LGALS8: variants seen among roughly 807,000 people sequenced by gnomAD.
The protein encoded by LGALS8 is galectin 8, also known as galectin-8.
Under a neutral mutation model 35.9 loss-of-function variants are expected in LGALS8, and 30 were observed. The observed-to-expected ratio is 0.83, with a 90% CI of 0.62 to 1.13. LGALS8 has a LOEUF of 1.13. Ranked by LOEUF, LGALS8 falls within the 50% of genes most tolerant of loss-of-function variation. LGALS8 has a pLI of 0.00. For missense variants in LGALS8, 366 were observed against 388.7 expected, an observed-to-expected ratio of 0.94 and a Z score of 0.49; for synonymous variants, 138 against 136.1, an observed-to-expected ratio of 1.01 and a Z score of -0.10.
Position 236,548,242 on chromosome 1 carries a change from C to T in LGALS8, c.*81C>T. ...GCCTTGCTGAAACGCATCTCACTGT[C>T]ATTCTATTGTTTATATTGTTAAAAT... On this transcript the variant is annotated 3_prime_UTR_variant, in exon 10 of 10. Coordinates refer to ENST00000366584, the MANE Select transcript of LGALS8 (RefSeq NM_201544.4). 8.1e-7 allele frequency: 1 copy of T among 1,231,548 alleles called. No homozygotes were observed. Among genetic ancestry groups the T allele is most frequent in the East Asian group, 2.5e-5 (1 of 39,770 alleles). The allele number at this position is 1,231,548 out of a possible 1,614,324, so 76.3% of individuals were successfully genotyped here.
chr1:236,540,435 G>A (rs891789263), intron 4 of LGALS8, 129 bp from the exon 5 acceptor site: 28 of 1,076,950 alleles, frequency 2.6e-5, no homozygotes, highest in Non-Finnish European at 3.4e-5. Context: ...ATTTGGTCAT[G>A]TGTGTGGAGA....
chr1:236,543,323 A>G (rs1056955699), intron 7 of LGALS8: 2 of 663,230 alleles, frequency 3.0e-6, no homozygotes, highest in African/African-American at 3.5e-5. Context: ...TACAGAGGGC[A>G]TCGGGTCCCA....
upstream of LGALS8, among the ~76,000 whole-genome samples, chr1:236,520,366 G>A (rs1160167699): frequency 3.1e-5 from 4 of 128,612 alleles, no homozygotes; most frequent in Non-Finnish European, 6.4e-5. Flanking sequence ...CACCAATGTA[G>A]TATCTTCTCT....
In LGALS8 at chr1:236,524,049, C is replaced by T; in HGVS notation, c.-116C>T. The T allele has an allele frequency of 2.2e-6, 1 of 451,772 alleles. No individual in the cohort carries two copies. Among genetic ancestry groups the T allele is most frequent in the Non-Finnish European group, 4.4e-6 (1 of 225,086 alleles). The allele number at this position is 451,772 out of a possible 1,614,324, so 28.0% of individuals were successfully genotyped here. ...AACCTGCTCCGTGGAGCGCCTGAAA[C>T]ACCAGTCTTTGGGTGAGTCGCGCGA... On this transcript the variant is annotated 5_prime_UTR_variant, in exon 1 of 10. Transcript: ENST00000366584.
chr1:236,531,215 T>A, intron 2 of LGALS8, among the ~76,000 whole-genome samples: 1 of 152,226 alleles, frequency 6.6e-6, no homozygotes, highest in South Asian at 2.1e-4. Context: ...CATCCTTGTG[T>A]GTGCATCTTG....
chr1:236,540,533 G>C (rs556921531), intron 4 of LGALS8, 31 bp from the exon 5 acceptor site: 1 of 179,596 alleles, frequency 5.6e-6, no homozygotes, highest in Non-Finnish European at 9.6e-6. Context: ...TTTTGGTGGC[G>C]GGGGGGGCTC....
chr1:236,543,037 A>T (rs1662114383), intron 7 of LGALS8: 1 of 1,614,166 alleles, frequency 6.2e-7, no homozygotes, highest in Non-Finnish European at 8.5e-7. Context: ...ACTATGTGTC[A>T]AAGGTTTGAA....
chr1:236,542,701 G>T, intron 6 of LGALS8, 60 bp from the exon 7 acceptor site: 1 of 1,578,084 alleles, frequency 6.3e-7, no homozygotes, highest in Non-Finnish European at 8.7e-7. Context: ...CAAGACTTCA[G>T]ATTATAAACT....
chr1:236,521,698 C>T (rs539889237), upstream of LGALS8, among the ~76,000 whole-genome samples: 118 of 151,958 alleles, frequency 7.8e-4, 1 homozygote, highest in African/African-American at 2.5e-3. Flanking sequence ...CATGGTGGCG[C>T]GCACCTGTAG....
rs777928404 is a variant in LGALS8, at chr1:236,548,316, G to A, written c.*155G>A. 9 of 706,930 alleles carry A rather than the reference G, an allele frequency of 1.3e-5. No individual in the cohort carries two copies. The highest frequency in any genetic ancestry group is 1.9e-5 in the Non-Finnish European group (8 of 427,820). The allele number at this position is 706,930 out of a possible 1,614,324, so 43.8% of individuals were successfully genotyped here. On this transcript the variant is annotated 3_prime_UTR_variant, in exon 10 of 10. Coordinates refer to ENST00000366584, the MANE Select transcript of LGALS8 (RefSeq NM_201544.4). ...GCTGGGTGTTCTCAGTCCTTGCCAT[G>A]AAGTATGGTGGTGTCTAGCACTGAA...
At chr1:236,518,805 C>A (rs1465690726), upstream of LGALS8, among the ~76,000 whole-genome samples, 1 of 152,096 alleles carries the variant, frequency 6.6e-6, no homozygotes, top group East Asian at 1.9e-4. Context: ...CACATTTTCC[C>A]AGCACTTAGC....
intron 3 of LGALS8, among the ~76,000 whole-genome samples, chr1:236,538,325 G>A (rs548731839): frequency 6.6e-6 from 1 of 152,250 alleles, no homozygotes; most frequent in East Asian, 1.9e-4. Flanking sequence ...TAAGTCTCAA[G>A]GAGACAGCCC....
At chr1:236,531,067 G>C (rs745740203) in intron 2 of LGALS8, among the ~76,000 whole-genome samples, 1 of 151,910 alleles carries the variant, frequency 6.6e-6, no homozygotes, top group Non-Finnish European at 1.5e-5. Flanking sequence ...TTTTCTATTT[G>C]ACCTATTTTG....
intron 9 of LGALS8, among the ~76,000 whole-genome samples, chr1:236,546,155 C>CATTAGG (rs1662348070): frequency 6.6e-6 from 1 of 152,126 alleles, no homozygotes; most frequent in African/African-American, 2.4e-5. Flanking sequence ...CAAACCATAC[C>CATTAGG]ATTAGGATTA....
At position 236,551,900 on chromosome 1, in the gene LGALS8, C is replaced by T; in HGVS notation, c.*3739C>T. 3 of 796,176 alleles carry T rather than the reference C, an allele frequency of 3.8e-6. No homozygotes were observed. Among genetic ancestry groups the T allele is most frequent in the East Asian group, 2.5e-5 (1 of 40,192 alleles). 49.3% of individuals were successfully genotyped at this position (796,176 alleles called of 1,614,324 possible). A position where few individuals can be genotyped will look rare whatever the true frequency, so the allele number is the denominator to read the frequency against. On this transcript the variant is annotated 3_prime_UTR_variant, in exon 10 of 10. Coordinates refer to ENST00000366584, the MANE Select transcript of LGALS8 (RefSeq NM_201544.4). Reference sequence around the variant, plus strand: ...TGAGGACTGGATCAACTGCTAGTCACGTTATATCCAAATCTGCATTATCAT... The same window carrying T: ...TGAGGACTGGATCAACTGCTAGTCATGTTATATCCAAATCTGCATTATCAT...
At chr1:236,534,000 A>G (rs116167349) in intron 2 of LGALS8, among the ~76,000 whole-genome samples, 1 of 146,902 alleles carries the variant, frequency 6.8e-6, no homozygotes, top group Admixed American at 6.7e-5. Flanking sequence ...CTTTGACCCC[A>G]GATGTAGCTT....
Position 236,548,205 on chromosome 1 carries a change from T to C in LGALS8, c.*44T>C. The C allele has an allele frequency of 6.4e-7, 1 of 1,562,720 alleles. No individual in the cohort carries two copies. The highest frequency in any genetic ancestry group is 8.7e-7 in the Non-Finnish European group (1 of 1,144,514). ...ACAAAAACCAAAATACAGAATGGCT[T>C]CTGTGATACTGGCCTTGCTGAAACG... On this transcript the variant is annotated 3_prime_UTR_variant, in exon 10 of 10. Coordinates refer to ENST00000366584, the MANE Select transcript of LGALS8 (RefSeq NM_201544.4).
chr1:236,523,828 C>T (rs190605867), upstream of LGALS8: 837 of 344,880 alleles, frequency 2.4e-3, 10 homozygotes, highest in African/African-American at 0.017. Flanking sequence ...CGATCAGCGG[C>T]GGGTCCCTGT....
At position 236,548,222 on chromosome 1, in the gene LGALS8, G is replaced by T; in HGVS notation, c.*61G>T. 7.0e-7 allele frequency: 1 copy of T among 1,421,828 alleles called. No homozygotes were observed. The highest frequency in any genetic ancestry group is 1.2e-5 in the South Asian group (1 of 80,874). The allele number at this position is 1,421,828 out of a possible 1,614,324, so 88.1% of individuals were successfully genotyped here. On this transcript the variant is annotated 3_prime_UTR_variant, in exon 10 of 10. Transcript: ENST00000366584. ...GAATGGCTTCTGTGATACTGGCCTT[G>T]CTGAAACGCATCTCACTGTCATTCT...
Sources: allele counts gnomAD v4.1 joint callset (sites outside exome capture counted in the v4.1 genomes callset), GRCh38; gene constraint gnomAD v4.1.1; transcripts MANE v1.5; gene names NCBI Gene and HGNC (gene_info 2026-07-23, HGNC 2026-07-21).